SEC14L5: variants seen among roughly 807,000 people sequenced by gnomAD.
SEC14L5 encodes the protein SEC14 like lipid binding 5, also known as SEC14-like protein 5.
Under a neutral mutation model 84.6 loss-of-function variants are expected in SEC14L5, and 96 were observed. That is an observed-to-expected ratio of 1.13 (90% CI 0.96 to 1.34). The LOEUF is 1.34. Ranked by LOEUF, SEC14L5 falls within the 40% of genes most tolerant of loss-of-function variation. The pLI is 0.00. For synonymous variants in SEC14L5, 546 were observed against 383.4 expected (o/e 1.42, Z -4.95); for missense variants, 1,224 against 942.5 (o/e 1.30, Z -3.91).
intron 10 of SEC14L5, among the ~76,000 whole-genome samples, chr16:5,001,781 T>C (rs1164244863): frequency 6.6e-6 from 1 of 151,986 alleles, no homozygotes; most frequent in Non-Finnish European, 1.5e-5. Context: ...GTGGCTTTTT[T>C]TTTTCCTTTG....
chr16:5,008,751 T>A, intron 14 of SEC14L5, 103 bp downstream of exon 14: 1 of 1,030,698 alleles, frequency 9.7e-7, no homozygotes, highest in Non-Finnish European at 1.4e-6. Flanking sequence ...GGGCTGCTGG[T>A]CCCCAGCCTC....
Position 5,015,076 on chromosome 16 carries a change from C to T in SEC14L5, c.*106C>T. On this transcript the variant is annotated 3_prime_UTR_variant, in exon 16 of 16. Transcript: ENST00000251170. Reference sequence around the variant, plus strand: ...CCTGGGACCATGTGGGCTGGAGCCCCAGGCCTAGATGCTGCCCAAGTTGGG... The same window carrying T: ...CCTGGGACCATGTGGGCTGGAGCCCTAGGCCTAGATGCTGCCCAAGTTGGG... The T allele has an allele frequency of 1.1e-6, 1 of 881,840 alleles. No individual in the cohort carries two copies. Among genetic ancestry groups the T allele is most frequent in the Non-Finnish European group, 1.8e-6 (1 of 569,570 alleles). 54.6% of individuals were successfully genotyped at this position (881,840 alleles called of 1,614,324 possible). A position where few individuals can be genotyped will look rare whatever the true frequency, so the allele number is the denominator to read the frequency against.
At chr16:4,993,189 C>A (rs1399718249) in intron 6 of SEC14L5, among the ~76,000 whole-genome samples, 1 of 151,956 alleles carries the variant, frequency 6.6e-6, no homozygotes, top group Non-Finnish European at 1.5e-5. Flanking sequence ...ACTATATAGG[C>A]ACAGGCCACC....
intron 2 of SEC14L5, among the ~76,000 whole-genome samples, chr16:4,962,686 CAAAAAA>C (rs761644374): frequency 3.7e-5 from 3 of 81,264 alleles, no homozygotes; most frequent in African/African-American, 1.3e-4. Context: ...AACTCTGTCT[CAAAAAA>C]AAAAAAAAAA....
intron 2 of SEC14L5, chr16:4,960,888 G>A (rs2142466492): frequency 6.6e-6 from 1 of 152,364 alleles, no homozygotes; most frequent in Non-Finnish European, 1.5e-5. Context: ...TGGAACACCA[G>A]GGGATGGTGA....
chr16:4,966,338 G>A (rs1236418047), intron 2 of SEC14L5, among the ~76,000 whole-genome samples: 1 of 142,808 alleles, frequency 7.0e-6, no homozygotes, highest in Non-Finnish European at 1.5e-5. Context: ...CAGTGGCATG[G>A]TCTCGGCTCA....
Position 5,012,195 on chromosome 16 carries a change from T to A in SEC14L5, c.1979+922T>A, listed in dbSNP as rs1048145714. On this transcript the variant is annotated intron_variant, in intron 15 of 15. Transcript: ENST00000251170. ...GCTGGCGATTCACTCTTTGTGAAGCTGCATGTTTTGGCCATCGGTCCTCAG... is the reference window on the plus strand; with the variant it reads ...GCTGGCGATTCACTCTTTGTGAAGCAGCATGTTTTGGCCATCGGTCCTCAG... 8.5e-5 allele frequency among the ~76,000 whole-genome samples: 13 copies of A among 152,244 alleles called. No homozygotes were observed. In the East Asian group the frequency reaches 2.3e-3, roughly 27 times the overall value.
chr16:4,979,386 C>T (rs1391197885), intron 2 of SEC14L5, among the ~76,000 whole-genome samples: 2 of 152,304 alleles, frequency 1.3e-5, no homozygotes, highest in South Asian at 4.1e-4. Flanking sequence ...GACTTAAACT[C>T]TCTGAGTTTT....
At chr16:4,981,255 G>GTTTTTTTTTTT (rs58882220) in intron 2 of SEC14L5, among the ~76,000 whole-genome samples, 14 of 92,932 alleles carry the variant, frequency 1.5e-4, no homozygotes, top group South Asian at 3.3e-4. Flanking sequence ...TAGCTAATTG[G>GTTTTTTTTTTT]TTTTTTTTTT....
intron 2 of SEC14L5, among the ~76,000 whole-genome samples, chr16:4,980,087 C>T (rs918054268): frequency 2.0e-5 from 3 of 152,246 alleles, no homozygotes; most frequent in African/African-American, 7.2e-5. Flanking sequence ...CTGGGCGAGT[C>T]ACTCTGTCTT....
intron 5 of SEC14L5, among the ~76,000 whole-genome samples, chr16:4,991,162 CTTTTTTTTTTTTTT>C (rs35980290): frequency 1.2e-5 from 1 of 85,476 alleles, no homozygotes; most frequent in Admixed American, 1.3e-4. Context: ...TTCTGTGGTG[CTTTTTTTTTTTTTT>C]TTTTTTTTTT....
At chr16:5,002,445 T>C (rs1300548890) in intron 10 of SEC14L5, among the ~76,000 whole-genome samples, 1 of 152,068 alleles carries the variant, frequency 6.6e-6, no homozygotes, top group Non-Finnish European at 1.5e-5. Flanking sequence ...TACAGGTGCC[T>C]GCCACCACGC....
intron 2 of SEC14L5, among the ~76,000 whole-genome samples, chr16:4,971,822 C>T (rs942049067): frequency 1.3e-5 from 2 of 152,172 alleles, no homozygotes; most frequent in Non-Finnish European, 2.9e-5. Context: ...TTCCTTCCTC[C>T]TTTCATTCCT....
chr16:4,984,819 T>C (rs55717484), intron 2 of SEC14L5, among the ~76,000 whole-genome samples: 2,422 of 152,354 alleles, frequency 0.016, 35 homozygotes, highest in African/African-American at 0.047. Flanking sequence ...TCATTTGCTT[T>C]TTTGTGTTGG....
intron 8 of SEC14L5, among the ~76,000 whole-genome samples, chr16:4,999,119 CTT>C (rs1329390647): frequency 6.6e-6 from 1 of 152,132 alleles, no homozygotes; most frequent in African/African-American, 2.4e-5. Flanking sequence ...TCTTTGGTGA[CTT>C]TGCTGTTTAA....
chr16:4,985,873 T>G (rs1955480625), intron 2 of SEC14L5, among the ~76,000 whole-genome samples: 1 of 151,746 alleles, frequency 6.6e-6, no homozygotes, highest in East Asian at 1.9e-4. Context: ...ATAAATTGTA[T>G]TATTTTTTCT....
Position 4,996,763 on chromosome 16 carries a change from G to T in SEC14L5, c.781-92G>T, listed in dbSNP as rs531698060. 89 of 941,654 alleles carry T rather than the reference G, an allele frequency of 9.5e-5. No homozygotes were observed. In the African/African-American group the frequency reaches 1.4e-3, roughly 15 times the overall value. 58.3% of individuals were successfully genotyped at this position (941,654 alleles called of 1,614,324 possible). On this transcript the variant is annotated intron_variant, in intron 7 of 15. Transcript: ENST00000251170. ...ATTTCTGTACTTTTTGTAGAGATGGGGTCTCACCATGTTGCCCCGGCTGGT... is the reference window on the plus strand; with the variant it reads ...ATTTCTGTACTTTTTGTAGAGATGGTGTCTCACCATGTTGCCCCGGCTGGT...
At chr16:4,993,781 A>G (rs1955577755) in intron 6 of SEC14L5, among the ~76,000 whole-genome samples, 1 of 152,214 alleles carries the variant, frequency 6.6e-6, no homozygotes, top group Non-Finnish European at 1.5e-5. Flanking sequence ...AGGTTGTACC[A>G]ATCATTGTTC....
intron 15 of SEC14L5, among the ~76,000 whole-genome samples, chr16:5,011,752 G>A (rs992837040): frequency 1.3e-5 from 2 of 152,146 alleles, no homozygotes; most frequent in Non-Finnish European, 2.9e-5. Context: ...TCCTCTTTGA[G>A]CCTCAGGTGC....
Sources: allele counts gnomAD v4.1 joint callset (sites outside exome capture counted in the v4.1 genomes callset), GRCh38; gene constraint gnomAD v4.1.1; transcripts MANE v1.5; gene names NCBI Gene and HGNC (gene_info 2026-07-23, HGNC 2026-07-21).